The following ZNF184 variants were observed in gnomAD, a reference collection of about 807,000 sequenced individuals.
ZNF184 encodes the protein zinc finger protein 184.
ZNF184 carries 16 observed loss-of-function variants against 54.4 expected under a neutral mutation model. The observed-to-expected ratio is 0.29, with a 90% CI of 0.20 to 0.45. ZNF184 has a LOEUF of 0.45. Among genes scored for constraint, ZNF184 ranks in the 20% least tolerant of loss-of-function variants. The probability of loss-of-function intolerance (pLI) is 1.00; values close to 1 mark genes in which losing one functional copy is unlikely to be tolerated. For synonymous variants in ZNF184, 254 were observed against 295.3 expected, an observed-to-expected ratio of 0.86 and a Z score of 1.43; for missense variants, 681 against 888.2, an observed-to-expected ratio of 0.77 and a Z score of 2.97.
intron 3 of ZNF184, among the ~76,000 whole-genome samples, chr6:27,458,888 C>G (rs1762930839): frequency 1.3e-5 from 2 of 152,130 alleles, no homozygotes; most frequent in African/African-American, 4.8e-5. Flanking sequence ...AAGGGAATAC[C>G]ATTCAGCCAT....
At chr6:27,442,714 A>G in the ZNF184 span, among the ~76,000 whole-genome samples, 1 of 57,114 alleles carries the variant, frequency 1.8e-5, no homozygotes, top group African/African-American at 7.1e-5. Context: ...AGAGAGAGAA[A>G]GAAGGACGGA....
the ZNF184 span, among the ~76,000 whole-genome samples, chr6:27,435,516 TTTA>T: frequency 6.6e-6 from 1 of 152,220 alleles, no homozygotes; most frequent in Non-Finnish European, 1.5e-5. Flanking sequence ...GCTGAATTCC[TTTA>T]TTAGCTCTAG....
At chr6:27,423,648 A>ACAAAACAG in the ZNF184 span, among the ~76,000 whole-genome samples, 1 of 151,762 alleles carries the variant, frequency 6.6e-6, no homozygotes, top group Non-Finnish European at 1.5e-5. Flanking sequence ...AAAAAACAAA[A>ACAAAACAG]AACAAAACAC....
chr6:27,423,594 C>T, the ZNF184 span, among the ~76,000 whole-genome samples: 2 of 151,472 alleles, frequency 1.3e-5, no homozygotes, highest in Non-Finnish European at 2.9e-5. Context: ...CTCAGCAATA[C>T]GCACAAATAC....
chr6:27,451,466 T>A lies in ZNF184; in HGVS notation c.2093A>T (p.Tyr698Phe). Reference protein sequence around the residue: ...HQNTHTGEKPYNCNECRKTFS... With the variant: ...HQNTHTGEKPFNCNECRKTFS... ...AGTCTTTCTGCATTCATTACAGTTA[T>A]AAGGTTTCTCTCCAGTATGAGTATT... Residue 698 changes from tyrosine (Y) to phenylalanine (F), a missense_variant, in exon 6 of 6, where the codon TAT becomes TTT. Physicochemically the swap from Tyr to Phe is conservative, Grantham distance 22. Coordinates refer to ENST00000683788, the MANE Select transcript of ZNF184 (RefSeq NM_001318891.2). The A allele has an allele frequency of 6.2e-7, 1 of 1,614,140 alleles. No homozygotes were observed. Among genetic ancestry groups the A allele is most frequent in the Non-Finnish European group, 8.5e-7 (1 of 1,179,996 alleles).
At chr6:27,422,148 A>AAAAAAGAAAG in the ZNF184 span, among the ~76,000 whole-genome samples, 70 of 43,454 alleles carry the variant, frequency 1.6e-3, 1 homozygote, top group African/African-American at 5.7e-3. Context: ...CTCAAAAAAA[A>AAAAAAGAAAG]AAAGAAAGAA....
chr6:27,451,110 T>G lies in ZNF184; in HGVS notation c.*193A>C, dbSNP rs1581572197. The G allele has an allele frequency of 1.9e-6, 1 of 532,248 alleles. No homozygotes were observed. Among genetic ancestry groups the G allele is most frequent in the Non-Finnish European group, 3.1e-6 (1 of 325,854 alleles). The allele number at this position is 532,248 out of a possible 1,614,324, so 33.0% of individuals were successfully genotyped here. The stretch of plus-strand genomic sequence containing the variant: ...GAAACTAAAGCTTAAAACAGTAGAG[T>G]TTTCTAATGTCACAGAGTGGCTTAA... On this transcript the variant is annotated 3_prime_UTR_variant, in exon 6 of 6. Coordinates refer to ENST00000683788, the MANE Select transcript of ZNF184 (RefSeq NM_001318891.2).
chr6:27,452,976 T>G lies in ZNF184; in HGVS notation c.583A>C (p.Thr195Pro). The G allele has an allele frequency of 6.2e-7, 1 of 1,614,200 alleles. No individual in the cohort carries two copies. The highest frequency in any genetic ancestry group is 8.5e-7 in the Non-Finnish European group (1 of 1,180,020). The change falls in exon 6 of 6, where the codon ACA becomes CCA. Residue 195 changes from threonine (T) to proline (P), a missense_variant. Thr to Pro is a conservative substitution (Grantham distance 38). Coordinates refer to ENST00000683788, the MANE Select transcript of ZNF184 (RefSeq NM_001318891.2). This position sits in a 1 kb window ranked among gnomAD's most constrained non-coding sequence, Gnocchi z 5.5. The part of the protein sequence containing the change: ...KSVNVSSNLV[T>P]QEPSPEETST... ...GTCTCTTCTGGAGATGGTTCTTGTG[T>G]TACAAGGTTTGAACTCACATTGACA...
the ZNF184 span, among the ~76,000 whole-genome samples, chr6:27,438,454 T>C: frequency 6.6e-6 from 1 of 152,128 alleles, no homozygotes; most frequent in East Asian, 1.9e-4. Flanking sequence ...CAGTGGAGCA[T>C]TGGACATGCT....
the ZNF184 span, among the ~76,000 whole-genome samples, chr6:27,442,072 G>C: frequency 1.3e-5 from 2 of 152,132 alleles, no homozygotes; most frequent in African/African-American, 2.4e-5. Flanking sequence ...TGTCATATGT[G>C]CCTCTAATTC....
chr6:27,422,709 C>T, the ZNF184 span, among the ~76,000 whole-genome samples: 1 of 152,080 alleles, frequency 6.6e-6, no homozygotes, highest in Non-Finnish European at 1.5e-5. Flanking sequence ...TCCTGTTTCC[C>T]AGAGGCAAAT....
At chr6:27,418,301 C>T in the ZNF184 span, among the ~76,000 whole-genome samples, 1 of 152,176 alleles carries the variant, frequency 6.6e-6, no homozygotes, top group Non-Finnish European at 1.5e-5. Context: ...GACTAATATG[C>T]TCCTGGGTGG....
the ZNF184 span, among the ~76,000 whole-genome samples, chr6:27,431,564 T>C: frequency 1.3e-5 from 2 of 152,250 alleles, no homozygotes; most frequent in African/African-American, 4.8e-5. Context: ...TATTCTGCAA[T>C]ATTTCTTAAA....
the ZNF184 span, among the ~76,000 whole-genome samples, chr6:27,419,268 C>T: frequency 2.6e-5 from 4 of 151,994 alleles, no homozygotes; most frequent in South Asian, 2.1e-4. This position sits in a 1 kb window ranked among gnomAD's most constrained non-coding sequence, Gnocchi z 4.8. Context: ...ACCACCTTGG[C>T]GAATTTCTTT....
the ZNF184 span, among the ~76,000 whole-genome samples, chr6:27,439,297 G>GA: frequency 2.0e-5 from 3 of 152,128 alleles, no homozygotes; most frequent in Admixed American, 6.5e-5. Context: ...ACTACTGTTC[G>GA]AAAATATTAA....
At chr6:27,467,715 A>G (rs1763175258) in intron 3 of ZNF184, 138 bp downstream of exon 3, 2 of 676,000 alleles carry the variant, frequency 3.0e-6, no homozygotes, top group South Asian at 4.7e-5. Flanking sequence ...ACAGCTAGGA[A>G]TGCGGTTACT....
chr6:27,462,215 T>G (rs77733679), intron 3 of ZNF184, among the ~76,000 whole-genome samples: 2 of 152,010 alleles, frequency 1.3e-5, no homozygotes, highest in African/African-American at 4.8e-5. Context: ...TTTTTTTTTT[T>G]GAGGCGGAGT....
the ZNF184 span, among the ~76,000 whole-genome samples, chr6:27,407,505 C>T: frequency 6.6e-6 from 1 of 152,224 alleles, no homozygotes; most frequent in Non-Finnish European, 1.5e-5. Context: ...GCAGCAGCGC[C>T]TGCACAAGAG....
chr6:27,472,872 C>T lies in ZNF184; in HGVS notation c.-283G>A, dbSNP rs568117514. On this transcript the variant is annotated 5_prime_UTR_variant, in exon 1 of 6. Transcript: ENST00000683788. This position sits in a 1 kb window ranked among gnomAD's most constrained non-coding sequence, Gnocchi z 4.8. ...GCACAGAAGGAGGCGAGGTGCGCCCCCTTCGAGGACTCCCCAGCTTTCTCC... is the reference window on the plus strand; with the variant it reads ...GCACAGAAGGAGGCGAGGTGCGCCCTCTTCGAGGACTCCCCAGCTTTCTCC... 3.3e-5 allele frequency: 5 copies of T among 152,646 alleles called. No individual in the cohort carries two copies. In the East Asian group the frequency reaches 7.7e-4, roughly 24 times the overall value. The allele number at this position is 152,646 out of a possible 1,614,324, so 9.5% of individuals were successfully genotyped here. A position where few individuals can be genotyped will look rare whatever the true frequency, so the allele number is the denominator to read the frequency against.
Sources: gnomAD v4.1 joint callset for allele counts (sites outside exome capture counted in the v4.1 genomes callset) on GRCh38, gnomAD v4.1.1 for gene constraint, Gnocchi (gnomAD v3.1) non-coding constraint, MANE v1.5 for transcripts, NCBI Gene and HGNC (gene_info 2026-07-23, HGNC 2026-07-21) for gene names.